FER: variants seen among roughly 807,000 people sequenced by gnomAD.
The protein encoded by FER is tyrosine-protein kinase Fer.
In FER, 63 loss-of-function variants were observed where a neutral mutation model predicts 111.0. The observed-to-expected ratio is 0.57, with a 90% confidence interval of 0.46 to 0.70. The LOEUF (loss-of-function observed/expected upper bound fraction) is 0.70. Among genes scored for constraint, FER ranks in the 30% least tolerant of loss-of-function variants. The probability of loss-of-function intolerance (pLI) is 0.00; values close to 1 mark genes in which losing one functional copy is unlikely to be tolerated. For synonymous variants in FER, 327 were observed against 313.9 expected, an observed-to-expected ratio of 1.04 and a Z score of -0.44; for missense variants, 914 against 954.0, an observed-to-expected ratio of 0.96 and a Z score of 0.55.
At chr5:109,003,657 C>G (rs947382400) in intron 13 of FER, among the ~76,000 whole-genome samples, 1 of 151,328 alleles carries the variant, frequency 6.6e-6, no homozygotes, top group Admixed American at 6.6e-5. Flanking sequence ...ATATTTATCC[C>G]AAGCATTCAA....
intron 17 of FER, among the ~76,000 whole-genome samples, chr5:109,167,346 G>C (rs1178802303): frequency 6.6e-6 from 1 of 152,118 alleles, no homozygotes; most frequent in Non-Finnish European, 1.5e-5. Context: ...AATAGTAGGG[G>C]TTTTTGTGTA....
At chr5:108,954,647 C>A (rs957353641) in intron 11 of FER, 82 bp from the exon 12 acceptor site, 28 of 1,037,332 alleles carry the variant, frequency 2.7e-5, no homozygotes, top group Non-Finnish European at 1.1e-5. Flanking sequence ...TTGTAAGAAG[C>A]CTTTATAGTT....
At chr5:108,941,447 G>A (rs990416675) in intron 10 of FER, among the ~76,000 whole-genome samples, 3 of 152,108 alleles carry the variant, frequency 2.0e-5, no homozygotes, top group African/African-American at 7.2e-5. Context: ...CCAGATCTTG[G>A]AATTATGAGA....
intron 17 of FER, among the ~76,000 whole-genome samples, chr5:109,147,794 T>G (rs982493002): frequency 0.02 from 2,627 of 133,282 alleles, 26 homozygotes; most frequent in Middle Eastern, 0.035. Flanking sequence ...TATATATATA[T>G]ATATATAGAG....
At chr5:108,978,862 T>G (rs1561710071) in intron 13 of FER, among the ~76,000 whole-genome samples, 1 of 152,202 alleles carries the variant, frequency 6.6e-6, no homozygotes, top group Non-Finnish European at 1.5e-5. Flanking sequence ...ATTATAATTC[T>G]AGTAGTCACC....
chr5:108,820,204 C>T, intron 3 of FER: 1 of 985,380 alleles, frequency 1.0e-6, no homozygotes, highest in Non-Finnish European at 1.2e-6. Flanking sequence ...AAGGAATCTT[C>T]TCTGGACGTG....
chr5:108,854,779 C>G (rs1762837451), intron 5 of FER, among the ~76,000 whole-genome samples: 1 of 151,706 alleles, frequency 6.6e-6, no homozygotes, highest in Non-Finnish European at 1.5e-5. Flanking sequence ...CGTGTCTCTA[C>G]TAAAAATACA....
chr5:109,086,887 G>C (rs779358222), intron 16 of FER, among the ~76,000 whole-genome samples: 6 of 149,906 alleles, frequency 4.0e-5, no homozygotes, highest in Non-Finnish European at 8.9e-5. Context: ...GGTTTCTTCT[G>C]AGGCCTCTCT....
intron 17 of FER, among the ~76,000 whole-genome samples, chr5:109,115,488 A>G (rs1750115592): frequency 6.6e-6 from 1 of 152,154 alleles, no homozygotes; most frequent in Non-Finnish European, 1.5e-5. Context: ...TCTTATCTTA[A>G]CTAATTATCT....
intron 8 of FER, among the ~76,000 whole-genome samples, chr5:108,875,724 C>T (rs1027886449): frequency 6.6e-6 from 1 of 151,984 alleles, no homozygotes. Flanking sequence ...CTAAGTATGA[C>T]AAATTAAAGA....
At chr5:109,165,200 A>G (rs974120741) in intron 17 of FER, among the ~76,000 whole-genome samples, 1 of 152,178 alleles carries the variant, frequency 6.6e-6, no homozygotes. Flanking sequence ...TATGGAAACA[A>G]TTATAAATTG....
At chr5:108,863,429 A>C (rs559653533) in intron 5 of FER, among the ~76,000 whole-genome samples, 1 of 152,258 alleles carries the variant, frequency 6.6e-6, no homozygotes, top group South Asian at 2.1e-4. Context: ...AATTGCATTG[A>C]CTTTTGGGGA....
At chr5:108,970,943 G>C (rs1336396825) in intron 13 of FER, among the ~76,000 whole-genome samples, 1 of 152,116 alleles carries the variant, frequency 6.6e-6, no homozygotes, top group African/African-American at 2.4e-5. Context: ...ATAAGCAAAG[G>C]ATGGATGTGA....
intron 2 of FER, among the ~76,000 whole-genome samples, chr5:108,796,998 A>G (rs1756100242): frequency 6.6e-6 from 1 of 151,810 alleles, no homozygotes; most frequent in African/African-American, 2.4e-5. Flanking sequence ...TGAGGTTAGC[A>G]TGTCTGAATC....
intron 16 of FER, among the ~76,000 whole-genome samples, chr5:109,067,641 T>C (rs1775273472): frequency 6.6e-6 from 1 of 152,168 alleles, no homozygotes; most frequent in Non-Finnish European, 1.5e-5. Context: ...TAATTAGTTT[T>C]CTAATCATCT....
At chr5:108,815,697 T>G (rs184551757) in intron 3 of FER, among the ~76,000 whole-genome samples, 1 of 152,278 alleles carries the variant, frequency 6.6e-6, no homozygotes, top group Non-Finnish European at 1.5e-5. Context: ...TTGCCTTACC[T>G]TTTAAACATG....
chr5:108,771,006 G>A (rs111703209), intron 2 of FER, among the ~76,000 whole-genome samples: 15,355 of 150,716 alleles, frequency 0.1, 1,119 homozygotes, highest in African/African-American at 0.2. Context: ...GTGTGATCTC[G>A]GCTCACTGCA....
intron 17 of FER, among the ~76,000 whole-genome samples, chr5:109,111,788 C>T (rs1022888873): frequency 6.6e-6 from 1 of 152,086 alleles, no homozygotes; most frequent in African/African-American, 2.4e-5. Context: ...ATGAGAACAG[C>T]ATGGGGAAAA....
chr5:108,961,290 A>G (rs569329482), intron 13 of FER, among the ~76,000 whole-genome samples: 1 of 152,338 alleles, frequency 6.6e-6, no homozygotes, highest in South Asian at 2.1e-4. Flanking sequence ...AGGCTTAGCC[A>G]GGTCTAAATT....
Sources: gnomAD v4.1 joint callset for allele counts (sites outside exome capture counted in the v4.1 genomes callset) on GRCh38, gnomAD v4.1.1 for gene constraint, MANE v1.5 for transcripts, NCBI Gene and HGNC (gene_info 2026-07-23, HGNC 2026-07-21) for gene names.